RELN: variants seen among roughly 807,000 people sequenced by gnomAD.
RELN encodes the protein reelin.
Under a neutral mutation model 427.6 loss-of-function variants are expected in RELN, and 108 were observed. The ratio of observed to expected loss-of-function variants is 0.25; its 90% confidence interval spans 0.22 to 0.30. The LOEUF (loss-of-function observed/expected upper bound fraction) is 0.30, where lower values mean the gene tolerates loss of function less well. Ranked by LOEUF, RELN falls within the 10% of genes least tolerant of loss-of-function variation. RELN has a pLI of 1.00. For missense variants in RELN, 3,715 were observed against 4,302.8 expected, an observed-to-expected ratio of 0.86 and a Z score of 3.82; for synonymous variants, 1,524 against 1,513.4, an observed-to-expected ratio of 1.01 and a Z score of -0.16.
At chr7:103,827,803 G>C (rs946562993) in intron 3 of RELN, among the ~76,000 whole-genome samples, 5 of 151,744 alleles carry the variant, frequency 3.3e-5, no homozygotes, top group Admixed American at 1.3e-4. Context: ...CAGAAAACTA[G>C]ACTGTCAGAA....
rs906561086 is a variant in RELN at position 103,515,311 on chromosome 7, C to T, written c.7993G>A (p.Asp2665Asn). 1.2e-6 allele frequency: 2 copies of T among 1,614,086 alleles called. No homozygotes were observed. Among genetic ancestry groups the T allele is most frequent in the African/African-American group, 2.7e-5 (2 of 75,054 alleles). The stretch of plus-strand genomic sequence containing the variant: ...GTGTCCAGCATAACGGTCCTTTGGT[C>T]AGCAGAGCCTGAGATGAGGACATTG... ...IDNVLISGSA[D>N]QRTVMLDTFS... The change falls in exon 50 of 65, where the codon GAC becomes AAC. Residue 2665 changes from aspartate to asparagine, a missense_variant. By Grantham distance (23) the Asp-to-Asn change is conservative. Transcript: ENST00000428762.
At chr7:103,577,388 T>C (rs1056556851) in intron 28 of RELN, among the ~76,000 whole-genome samples, 3 of 152,198 alleles carry the variant, frequency 2.0e-5, no homozygotes, top group African/African-American at 7.2e-5. Flanking sequence ...GGTTTAAAAA[T>C]GTTCAGAGAT....
rs1267966141 is a variant in RELN, at chr7:103,526,647, A to G, written c.7350-3116T>C. Reference sequence around the variant, plus strand: ...TTAAAAATGAGAGTTTGGAAGTTGAATTGCCAGGACTTCTTATTCCCAGCC... The same window carrying G: ...TTAAAAATGAGAGTTTGGAAGTTGAGTTGCCAGGACTTCTTATTCCCAGCC... On this transcript the variant is annotated intron_variant, in intron 46 of 64. Transcript: ENST00000428762. Among the ~76,000 whole-genome samples, 3 of 152,336 alleles carry G rather than the reference A, an allele frequency of 2.0e-5. No homozygotes were observed. In the East Asian group the frequency reaches 5.8e-4, roughly 29 times the overall value.
chr7:103,932,419 A>G (rs1190999649), intron 1 of RELN, among the ~76,000 whole-genome samples: 1 of 152,194 alleles, frequency 6.6e-6, no homozygotes, highest in Non-Finnish European at 1.5e-5. Context: ...AGAGGAGCAG[A>G]AAACAACAAC....
rs55862041 is a variant in RELN at position 103,650,553 on chromosome 7, T to A, written c.1893-170A>T. On this transcript the variant is annotated intron_variant, in intron 15 of 64. Transcript: ENST00000428762. ...TTTGTTTGTATCTTTAAAACAGACA[T>A]ACAATTTGTAAAAACATCCACGGTA... 0.034 allele frequency among the ~76,000 whole-genome samples: 5,252 copies of A among 152,238 alleles called. 119 individuals are homozygous for A. Among genetic ancestry groups the A allele is most frequent in the Non-Finnish European group, 0.052 (3,518 of 67,976 alleles).
At chr7:103,511,181 A>T (rs1329574274) in intron 50 of RELN, among the ~76,000 whole-genome samples, 176 bp from the exon 51 acceptor site, 1 of 152,206 alleles carries the variant, frequency 6.6e-6, no homozygotes, top group Non-Finnish European at 1.5e-5. Flanking sequence ...TACTAGGAGG[A>T]TTGAGATATA....
intron 16 of RELN, among the ~76,000 whole-genome samples, chr7:103,644,812 C>A (rs954446184): frequency 2.0e-5 from 3 of 151,486 alleles, no homozygotes; most frequent in Non-Finnish European, 3.0e-5. Flanking sequence ...AAGGATGTCA[C>A]CAAGTTATAT....
intron 51 of RELN, among the ~76,000 whole-genome samples, chr7:103,509,775 T>C (rs1225267438): frequency 6.6e-6 from 1 of 150,788 alleles, no homozygotes; most frequent in Non-Finnish European, 1.5e-5. Context: ...ATCCAGAATC[T>C]ACAAAGACCT....
rs574331812 is a variant in RELN at position 103,698,344 on chromosome 7, G to A, written c.903-251C>T. The stretch of plus-strand genomic sequence containing the variant: ...ACATGGAAAACAAGTCAGGCACTAA[G>A]TATGTTCAAATAAGTCAGTAAAGGA... On this transcript the variant is annotated intron_variant, in intron 9 of 64. Transcript: ENST00000428762. 2.6e-5 allele frequency among the ~76,000 whole-genome samples: 4 copies of A among 152,228 alleles called. 1 individual carries two copies. The highest frequency in any genetic ancestry group is 4.1e-4 in the South Asian group (2 of 4,828).
intron 28 of RELN, among the ~76,000 whole-genome samples, chr7:103,583,851 C>T (rs1419473540): frequency 6.6e-6 from 1 of 152,186 alleles, no homozygotes; most frequent in African/African-American, 2.4e-5. Flanking sequence ...GCGCCACTAC[C>T]CACACAAACT....
At chr7:103,975,042 A>C (rs893207751) in intron 1 of RELN, among the ~76,000 whole-genome samples, 1 of 152,268 alleles carries the variant, frequency 6.6e-6, no homozygotes, top group Non-Finnish European at 1.5e-5. Flanking sequence ...TTCTCACAGA[A>C]GACATGAGAA....
At chr7:103,524,344 A>AG (rs1562871124) in intron 46 of RELN, among the ~76,000 whole-genome samples, 1 of 152,122 alleles carries the variant, frequency 6.6e-6, no homozygotes, top group African/African-American at 2.4e-5. Context: ...AGAGAAAAAA[A>AG]AGAGAGAGCA....
Position 103,650,450 on chromosome 7 carries a change from G to T in RELN, c.1893-67C>A, listed in dbSNP as rs1038814719. 6.0e-6 allele frequency: 6 copies of T among 1,001,412 alleles called. No homozygotes were observed. The Middle Eastern group carries it at 8.2e-4, about 137-fold the overall frequency. The allele number at this position is 1,001,412 out of a possible 1,614,324, so 62.0% of individuals were successfully genotyped here. ...CATATCTTTAGAATCTATTTTACAT[G>T]GTTTTCATGTTCTAGCTTCTGTGTG... On this transcript the variant is annotated intron_variant, in intron 15 of 64. Transcript: ENST00000428762.
chr7:103,836,399 T>C lies in RELN; in HGVS notation c.338-2727A>G, dbSNP rs922978895. Among the ~76,000 whole-genome samples the C allele has an allele frequency of 8.5e-5, 13 of 152,336 alleles. 1 individual carries two copies. Among genetic ancestry groups the C allele is most frequent in the South Asian group, 8.3e-4 (4 of 4,830 alleles). ...CACTAGCCACATTCCACATGCTCAATAGCACATGTGGCTCATGGCTGCCAC... is the reference window on the plus strand; with the variant it reads ...CACTAGCCACATTCCACATGCTCAACAGCACATGTGGCTCATGGCTGCCAC... On this transcript the variant is annotated intron_variant, in intron 2 of 64. Coordinates refer to ENST00000428762, the MANE Select transcript of RELN (RefSeq NM_005045.4).
At position 103,874,384 on chromosome 7, in the gene RELN, C is replaced by G. The variant is rs375734352; in HGVS notation, c.338-40712G>C. On this transcript the variant is annotated intron_variant, in intron 2 of 64. Coordinates refer to ENST00000428762, the MANE Select transcript of RELN (RefSeq NM_005045.4). ...CAATTAGGCAGGAGAAGGAAATAAA[C>G]GGTATTCAATTAGGAAAAGAGGAAG... Among the ~76,000 whole-genome samples, 751 of 126,080 alleles carry G rather than the reference C, an allele frequency of 6.0e-3. 1 individual carries two copies. Among genetic ancestry groups the G allele is most frequent in the East Asian group, 0.021 (68 of 3,168 alleles). 82.7% of individuals were successfully genotyped at this position (126,080 alleles called of 152,430 possible).
At chr7:103,624,558 C>T (rs1346500150) in intron 20 of RELN, among the ~76,000 whole-genome samples, 1 of 152,178 alleles carries the variant, frequency 6.6e-6, no homozygotes, top group Non-Finnish European at 1.5e-5. Flanking sequence ...TCCCAAGTAG[C>T]TGGGATTACA....
intron 8 of RELN, among the ~76,000 whole-genome samples, chr7:103,710,931 C>A (rs1458474724): frequency 6.6e-6 from 1 of 152,178 alleles, no homozygotes; most frequent in East Asian, 1.9e-4. Flanking sequence ...ATAGTCCCAG[C>A]TACTCAGGAG....
At chr7:103,755,618 TAAAAA>T (rs11364377) in intron 4 of RELN, among the ~76,000 whole-genome samples, 1,617 of 133,410 alleles carry the variant, frequency 0.012, 48 homozygotes, top group African/African-American at 0.04. Context: ...AAAAAAAAAA[TAAAAA>T]AAATAAAATA....
Position 103,554,666 on chromosome 7 carries a change from A to G in RELN, c.5798-835T>C, listed in dbSNP as rs147897569. Among the ~76,000 whole-genome samples the G allele has an allele frequency of 1.0e-3, 155 of 152,268 alleles. 2 individuals carry two copies. The East Asian group carries it at 0.027, about 26-fold the overall frequency. On this transcript the variant is annotated intron_variant, in intron 38 of 64. Transcript: ENST00000428762. ...TTGCTAATTTCAGAAAGCTGTGACA[A>G]TGCTGTGTATATAATGTATGTGAAA... is the stretch of plus-strand genomic sequence containing the variant.
Sources: gnomAD v4.1 joint callset for allele counts (sites outside exome capture counted in the v4.1 genomes callset) on GRCh38, gnomAD v4.1.1 for gene constraint, MANE v1.5 for transcripts, NCBI Gene and HGNC (gene_info 2026-07-23, HGNC 2026-07-21) for gene names.